Variants in NLGN1 observed in about 807,000 individuals in gnomAD.
The protein encoded by NLGN1 is neuroligin 1.
In NLGN1, 12 loss-of-function variants were observed where a neutral mutation model predicts 65.5. The observed-to-expected ratio is 0.18, with a 90% confidence interval of 0.12 to 0.30. NLGN1 has a LOEUF of 0.30. Among genes scored for constraint, NLGN1 ranks in the 10% least tolerant of loss-of-function variants. The pLI is 1.00. For missense variants in NLGN1, 750 were observed against 1,007.1 expected (o/e 0.74, Z 3.46); for synonymous variants, 350 against 359.5 (o/e 0.97, Z 0.30).
chr3:173,467,649 A>G (rs1016392856), intron 2 of NLGN1, among the ~76,000 whole-genome samples: 1 of 152,146 alleles, frequency 6.6e-6, no homozygotes, highest in African/African-American at 2.4e-5. Context: ...CATCATGTTT[A>G]TAAGTGAGAT....
intron 4 of NLGN1, among the ~76,000 whole-genome samples, chr3:174,058,566 AG>A (rs1736681551): frequency 1.3e-5 from 2 of 152,234 alleles, no homozygotes; most frequent in Admixed American, 1.3e-4. Context: ...TTTGTTGAAA[AG>A]TTCATAAGTA....
At chr3:174,276,845 A>G (rs1285632646) in intron 5 of NLGN1, among the ~76,000 whole-genome samples, 1 of 151,906 alleles carries the variant, frequency 6.6e-6, no homozygotes, top group East Asian at 1.9e-4. Flanking sequence ...TTAATTAAAC[A>G]GATTAGATTG....
chr3:173,661,998 T>C lies in NLGN1; in HGVS notation c.493+56907T>C, dbSNP rs77941592. On this transcript the variant is annotated intron_variant, in intron 3 of 6. Transcript: ENST00000457714. The stretch of plus-strand genomic sequence containing the variant: ...TTGCTGAAGGCATTGGTCTGTTCTG[T>C]TAGAACTCAAATGACAAGAGTCACG... Among the ~76,000 whole-genome samples the C allele has an allele frequency of 5.1e-3, 783 of 152,124 alleles. 6 individuals carry two copies. Among genetic ancestry groups the C allele is most frequent in the African/African-American group, 0.018 (737 of 41,544 alleles).
At chr3:173,690,541 T>C (rs1313577416) in intron 3 of NLGN1, among the ~76,000 whole-genome samples, 1 of 152,178 alleles carries the variant, frequency 6.6e-6, no homozygotes, top group East Asian at 1.9e-4. Flanking sequence ...ATACTATAAA[T>C]ATGTATAGTG....
chr3:174,168,400 T>C (rs1727925877), intron 4 of NLGN1, among the ~76,000 whole-genome samples: 1 of 152,206 alleles, frequency 6.6e-6, no homozygotes, highest in Non-Finnish European at 1.5e-5. Flanking sequence ...TTCTATAATA[T>C]TGTTTTTTAA....
intron 4 of NLGN1, among the ~76,000 whole-genome samples, chr3:174,181,165 C>A (rs1387744070): frequency 6.6e-6 from 1 of 152,090 alleles, no homozygotes; most frequent in East Asian, 1.9e-4. Context: ...CTCCTCCTGG[C>A]CCTGCATACT....
intron 2 of NLGN1, among the ~76,000 whole-genome samples, chr3:173,541,091 A>T (rs568172628): frequency 2.6e-5 from 4 of 152,310 alleles, no homozygotes; most frequent in East Asian, 3.9e-4. Flanking sequence ...AGTGGACAGA[A>T]CACTCTAGGA....
chr3:173,440,235 AT>A (rs559981835), intron 2 of NLGN1, among the ~76,000 whole-genome samples: 12 of 151,802 alleles, frequency 7.9e-5, no homozygotes, highest in East Asian at 3.9e-4. Flanking sequence ...TTTTTTTGCT[AT>A]TTTTTTTAAC....
chr3:173,700,726 T>G (rs1767010244), intron 3 of NLGN1, among the ~76,000 whole-genome samples: 1 of 152,222 alleles, frequency 6.6e-6, no homozygotes, highest in African/African-American at 2.4e-5. Flanking sequence ...ATCAGTGTTA[T>G]AACTGATATA....
chr3:174,145,717 A>G (rs1357230094), intron 4 of NLGN1, among the ~76,000 whole-genome samples: 1 of 152,252 alleles, frequency 6.6e-6, no homozygotes, highest in Non-Finnish European at 1.5e-5. Context: ...AAAGTCTAGG[A>G]CATGGCTATC....
chr3:173,708,470 G>A (rs1768403000), intron 3 of NLGN1, among the ~76,000 whole-genome samples: 1 of 152,120 alleles, frequency 6.6e-6, no homozygotes, highest in South Asian at 2.1e-4. Context: ...CCAACCTGCT[G>A]GTCTAGGGAC....
chr3:173,797,042 G>A (rs1185932421), intron 3 of NLGN1, among the ~76,000 whole-genome samples: 2 of 152,126 alleles, frequency 1.3e-5, no homozygotes. Context: ...TAGCAAAGAA[G>A]GGAGCTCTAG....
intron 2 of NLGN1, among the ~76,000 whole-genome samples, chr3:173,546,238 T>C (rs1390205319): frequency 6.6e-6 from 1 of 152,150 alleles, no homozygotes; most frequent in Non-Finnish European, 1.5e-5. Context: ...CATTTAGAAA[T>C]ACACCACTGC....
intron 2 of NLGN1, among the ~76,000 whole-genome samples, chr3:173,508,580 G>A (rs1047949367): frequency 1.3e-5 from 2 of 152,082 alleles, no homozygotes; most frequent in South Asian, 4.1e-4. Flanking sequence ...GACTCTTCCC[G>A]TGGAAGTGGT....
At chr3:173,446,660 G>A (rs574071981) in intron 2 of NLGN1, among the ~76,000 whole-genome samples, 65 of 152,248 alleles carry the variant, frequency 4.3e-4, no homozygotes, top group Middle Eastern at 6.8e-3. Flanking sequence ...CACAATGGTT[G>A]AACTAGTTTA....
intron 4 of NLGN1, among the ~76,000 whole-genome samples, chr3:174,066,562 C>CTGTGTGTG (rs1401534201): frequency 2.2e-4 from 28 of 129,862 alleles, no homozygotes; most frequent in African/African-American, 8.0e-4. Context: ...CTCTCTCTCT[C>CTGTGTGTG]TCTGTGTGTG....
intron 3 of NLGN1, among the ~76,000 whole-genome samples, chr3:173,739,832 C>A (rs528813222): frequency 2.0e-5 from 3 of 152,190 alleles, no homozygotes; most frequent in South Asian, 4.1e-4. Context: ...AAATGCGCTT[C>A]TACTTTGCAT....
At chr3:173,894,884 G>T (rs923573441) in intron 4 of NLGN1, among the ~76,000 whole-genome samples, 1 of 146,568 alleles carries the variant, frequency 6.8e-6, no homozygotes, top group African/African-American at 2.5e-5. Flanking sequence ...TGATCCACCC[G>T]CCTCGGCCTC....
At chr3:174,164,886 A>C (rs1342210059) in intron 4 of NLGN1, among the ~76,000 whole-genome samples, 3 of 152,008 alleles carry the variant, frequency 2.0e-5, no homozygotes, top group African/African-American at 7.2e-5. Context: ...GTTTGATAGG[A>C]ATAGTATTGG....
Sources: allele counts gnomAD v4.1 joint callset (sites outside exome capture counted in the v4.1 genomes callset), GRCh38; gene constraint gnomAD v4.1.1; transcripts MANE v1.5; gene names NCBI Gene and HGNC (gene_info 2026-07-23, HGNC 2026-07-21).